Variants in TIGAR observed in about 807,000 individuals in gnomAD.
TIGAR encodes TP53 induced glycolysis regulatory phosphatase.
In TIGAR, 7 loss-of-function variants were observed where a neutral mutation model predicts 17.9. The observed-to-expected ratio is 0.39, with a 90% CI of 0.22 to 0.73. The LOEUF (loss-of-function observed/expected upper bound fraction) is 0.73, where lower values mean the gene tolerates loss of function less well. Ranked by LOEUF, TIGAR falls within the 30% of genes least tolerant of loss-of-function variation. The pLI, the probability that TIGAR is intolerant of heterozygous loss-of-function variation, is 0.42. For synonymous variants in TIGAR, 94 were observed against 108.6 expected, an observed-to-expected ratio of 0.87 and a Z score of 0.84; for missense variants, 258 against 327.4, an observed-to-expected ratio of 0.79 and a Z score of 1.64.
intron 1 of TIGAR, among the ~76,000 whole-genome samples, chr12:4,322,686 C>A (rs1192171408): frequency 6.6e-6 from 1 of 152,152 alleles, no homozygotes; most frequent in African/African-American, 2.4e-5. Context: ...TAACAGCTAT[C>A]TTTTCTGGCC....
intron 3 of TIGAR, among the ~76,000 whole-genome samples, chr12:4,348,468 G>A (rs1864804332): frequency 6.6e-6 from 1 of 152,184 alleles, no homozygotes; most frequent in Admixed American, 6.5e-5. Context: ...TCATATTGAT[G>A]ATTTCTTTAT....
chr12:4,331,224 CCT>C (rs1864600369), intron 1 of TIGAR, 54 bp from the exon 2 acceptor site: 1 of 1,485,990 alleles, frequency 6.7e-7, no homozygotes, highest in African/African-American at 1.4e-5. Flanking sequence ...TTTTTTTCCT[CCT>C]CTCAAAAACA....
Position 4,353,740 on chromosome 12 carries a change from A to C in TIGAR, c.*1049A>C, listed in dbSNP as rs374376743. 2 of 152,680 alleles carry C rather than the reference A, an allele frequency of 1.3e-5. No individual in the cohort carries two copies. The highest frequency in any genetic ancestry group is 2.1e-4 in the South Asian group (1 of 4,808). 9.5% of individuals were successfully genotyped at this position (152,680 alleles called of 1,614,324 possible). ...TCCCAGCTACTTGGGAGGTTGAGGC[A>C]GGAGAATCGCTTGAACCCGGGAGGT... On this transcript the variant is annotated 3_prime_UTR_variant, in exon 6 of 6. Transcript: ENST00000179259.
chr12:4,331,240 TA>T, intron 1 of TIGAR, 39 bp from the exon 2 acceptor site: 1 of 1,562,680 alleles, frequency 6.4e-7, no homozygotes, highest in Non-Finnish European at 8.8e-7. Flanking sequence ...AAAAACAGTA[TA>T]ATTTGGCTAA....
chr12:4,335,069 C>T (rs1311766265), intron 2 of TIGAR, among the ~76,000 whole-genome samples: 2 of 151,992 alleles, frequency 1.3e-5, no homozygotes, highest in African/African-American at 4.8e-5. Flanking sequence ...CGGAGTTTCA[C>T]TCTTGTTGCC....
chr12:4,349,656 A>AT (rs1261337037), intron 3 of TIGAR, among the ~76,000 whole-genome samples, 163 bp from the exon 4 acceptor site: 1 of 152,110 alleles, frequency 6.6e-6, no homozygotes, highest in African/African-American at 2.4e-5. Flanking sequence ...TGACCTCATG[A>AT]TCCACCCGCC....
At position 4,330,377 on chromosome 12, in the gene TIGAR, G is replaced by A. The variant is rs184726347; in HGVS notation, c.33-903G>A. 3.3e-5 allele frequency among the ~76,000 whole-genome samples: 5 copies of A among 152,252 alleles called. No individual in the cohort carries two copies. The East Asian group carries it at 9.7e-4, about 29-fold the overall frequency. On this transcript the variant is annotated intron_variant, in intron 1 of 5. Transcript: ENST00000179259. The stretch of plus-strand genomic sequence containing the variant: ...TTGAGGGTGGTACACCACACTACAG[G>A]GTGGTGTAACCTGCTATGACACTGG...
At position 4,321,381 on chromosome 12, in the gene TIGAR, C is replaced by G; in HGVS notation, c.32+78C>G. On this transcript the variant is annotated intron_variant, in intron 1 of 5. Transcript: ENST00000179259. The surrounding 1 kb of genome is among the most constrained non-coding windows in gnomAD (Gnocchi z 5.2). ...GGAGCGGGTGAAGGGAAAACGGGTC[C>G]ACCACCCTCTCCCCTCCCTGCTCGC... 1 of 1,579,586 alleles carries G rather than the reference C, an allele frequency of 6.3e-7. No homozygotes were observed. Among genetic ancestry groups the G allele is most frequent in the Non-Finnish European group, 8.6e-7 (1 of 1,165,250 alleles).
rs1021157299 is a variant in TIGAR, at chr12:4,359,476, G to C, written c.*6785G>C. Among the ~76,000 whole-genome samples, 1 of 151,880 alleles carries C rather than the reference G, an allele frequency of 6.6e-6. No homozygotes were observed. Among genetic ancestry groups the C allele is most frequent in the Admixed American group, 6.6e-5 (1 of 15,248 alleles). ...GTTCTTTGGAAATGAAATGAAAGAC[G>C]CCTGGTGTGCATGGTATTTAGAAAC... On this transcript the variant is annotated 3_prime_UTR_variant, in exon 6 of 6. Transcript: ENST00000179259.
At chr12:4,329,295 G>C (rs1397797422) in intron 1 of TIGAR, among the ~76,000 whole-genome samples, 1 of 121,934 alleles carries the variant, frequency 8.2e-6, no homozygotes, top group African/African-American at 3.1e-5. Context: ...TTTATAATCT[G>C]TTGCTATTAG....
Position 4,359,139 on chromosome 12 carries a change from A to G in TIGAR, c.*6448A>G, listed in dbSNP as rs901880879. ...TTTTCTTTAGCCAACTCACGCCATGACTCTACTTTTGCTTCTATGTTTATT... is the reference window on the plus strand; with the variant it reads ...TTTTCTTTAGCCAACTCACGCCATGGCTCTACTTTTGCTTCTATGTTTATT... On this transcript the variant is annotated 3_prime_UTR_variant, in exon 6 of 6. Coordinates refer to ENST00000179259, the MANE Select transcript of TIGAR (RefSeq NM_020375.3). Among the ~76,000 whole-genome samples the G allele has an allele frequency of 5.3e-5, 8 of 149,610 alleles. No homozygotes were observed. Among genetic ancestry groups the G allele is most frequent in the African/African-American group, 1.7e-4 (7 of 40,546 alleles).
At chr12:4,326,270 A>G (rs2120646008) in intron 1 of TIGAR, among the ~76,000 whole-genome samples, 1 of 152,318 alleles carries the variant, frequency 6.6e-6, no homozygotes, top group South Asian at 2.1e-4. Context: ...AGCTCCGTTC[A>G]CCTTCTCTGC....
intron 3 of TIGAR, among the ~76,000 whole-genome samples, chr12:4,344,270 G>A (rs7306934): frequency 0.22 from 32,868 of 152,068 alleles, 4,017 homozygotes; most frequent in Admixed American, 0.27. Context: ...AGGACCAGAC[G>A]GATTCACAGC....
rs1357479598 is a variant in TIGAR at position 4,337,092 on chromosome 12, G to A, written c.124G>A (p.Ala42Thr). 3.1e-6 allele frequency: 5 copies of A among 1,613,654 alleles called. No individual in the cohort carries two copies. The highest frequency in any genetic ancestry group is 4.2e-6 in the Non-Finnish European group (5 of 1,179,576). The change falls in exon 3 of 6, where the codon GCT (alanine) becomes ACT (threonine). Residue 42 changes from alanine (A) to threonine (T), a missense_variant. Coordinates refer to ENST00000179259, the MANE Select transcript of TIGAR (RefSeq NM_020375.3). ...SETGFKQAAA[A>T]GIFLNNVKFT... ...AACTGGATTTAAACAAGCAGCAGCT[G>A]CTGGTATATTTCTGAATAATGTGAA...
intron 1 of TIGAR, among the ~76,000 whole-genome samples, chr12:4,327,279 C>T (rs1020730008): frequency 6.6e-6 from 1 of 152,020 alleles, no homozygotes; most frequent in African/African-American, 2.4e-5. Context: ...CGTGGTGGCG[C>T]TTGCCTGTAA....
intron 3 of TIGAR, among the ~76,000 whole-genome samples, chr12:4,341,998 G>A (rs1864728571): frequency 6.6e-6 from 1 of 152,188 alleles, no homozygotes; most frequent in African/African-American, 2.4e-5. Flanking sequence ...AAAAAGATCA[G>A]ACGAATGGCT....
intron 3 of TIGAR, among the ~76,000 whole-genome samples, chr12:4,339,709 G>A (rs982291267): frequency 6.6e-6 from 1 of 152,050 alleles, no homozygotes; most frequent in African/African-American, 2.4e-5. Context: ...TGACTGAGGG[G>A]GATTAATCCC....
chr12:4,336,845 T>C (rs11609492), intron 2 of TIGAR, among the ~76,000 whole-genome samples, 194 bp from the exon 3 acceptor site: 3 of 152,214 alleles, frequency 2.0e-5, no homozygotes, highest in Admixed American at 2.0e-4. Context: ...GGAAAATAAT[T>C]GAATACCTGA....
rs1041656757 is a variant in TIGAR, at chr12:4,358,426, A to G, written c.*5735A>G. On this transcript the variant is annotated 3_prime_UTR_variant, in exon 6 of 6. Coordinates refer to ENST00000179259, the MANE Select transcript of TIGAR (RefSeq NM_020375.3). ...AAACCTACAGAAAAGTTGCAAGAAC[A>G]GTAGAAGGAATGGCTGTATACTCTT... is the stretch of plus-strand genomic sequence containing the variant. Among the ~76,000 whole-genome samples, 1 of 152,220 alleles carries G rather than the reference A, an allele frequency of 6.6e-6. No homozygotes were observed. The highest frequency in any genetic ancestry group is 1.5e-5 in the Non-Finnish European group (1 of 68,038).
Sources: allele counts gnomAD v4.1 joint callset (sites outside exome capture counted in the v4.1 genomes callset), GRCh38; gene constraint gnomAD v4.1.1; non-coding constraint Gnocchi (gnomAD v3.1); transcripts MANE v1.5; gene names NCBI Gene and HGNC (gene_info 2026-07-23, HGNC 2026-07-21).